Variants in TICRR observed in about 807,000 individuals in gnomAD.
TICRR encodes the protein treslin.
In TICRR, 132 loss-of-function variants were observed where a neutral mutation model predicts 178.1. That is an observed-to-expected ratio of 0.74 (90% CI 0.64 to 0.86). The LOEUF is 0.86. Among genes scored for constraint, TICRR ranks in the 40% least tolerant of loss-of-function variants. The pLI, the probability that TICRR is intolerant of heterozygous loss-of-function variation, is 0.00. For missense variants in TICRR, 2,587 were observed against 2,334.3 expected, an observed-to-expected ratio of 1.11 and a Z score of -2.23; for synonymous variants, 991 against 900.7, an observed-to-expected ratio of 1.10 and a Z score of -1.79.
chr15:89,594,636 G>T, intron 6 of TICRR, 82 bp downstream of exon 6: 2 of 1,266,154 alleles, frequency 1.6e-6, no homozygotes, highest in Non-Finnish European at 1.0e-6. Flanking sequence ...CCTGAAATGA[G>T]GTTGAAATGG....
chr15:89,589,326 G>C (rs891779361), intron 4 of TICRR, among the ~76,000 whole-genome samples: 3 of 152,136 alleles, frequency 2.0e-5, no homozygotes, highest in East Asian at 3.9e-4. Context: ...GGGTAAGAAG[G>C]GTGGGTGTTT....
At position 89,624,914 on chromosome 15, in the gene TICRR, A is replaced by G; in HGVS notation, c.4604A>G (p.Gln1535Arg). The G allele has an allele frequency of 6.2e-7, 1 of 1,614,118 alleles. No individual in the cohort carries two copies. The highest frequency in any genetic ancestry group is 8.5e-7 in the Non-Finnish European group (1 of 1,180,022). The change falls in exon 20 of 22, where the codon CAG (glutamine) becomes CGG (arginine). Residue 1535 changes from glutamine (Q) to arginine (R), a missense_variant. Coordinates refer to ENST00000268138, the MANE Select transcript of TICRR (RefSeq NM_152259.4). ...VHCTTDGRQC[Q>R]ASAQLDNLPA... is the part of the protein sequence containing the mutation. ...TGTACCACAGATGGGAGACAGTGCC[A>G]GGCTTCGGCACAACTAGACAACCTG...
intron 5 of TICRR, 32 bp downstream of exon 5, chr15:89,592,208 T>G (rs371327666): frequency 6.3e-7 from 1 of 1,577,064 alleles, no homozygotes; most frequent in Non-Finnish European, 8.7e-7. Flanking sequence ...TGAATATTGA[T>G]TATTAAAATC....
rs779155890 is a variant in TICRR at position 89,595,452 on chromosome 15, A to G, written c.1741A>G (p.Met581Val). 3 of 1,614,022 alleles carry G rather than the reference A, an allele frequency of 1.9e-6. No individual in the cohort carries two copies. Among genetic ancestry groups the G allele is most frequent in the African/African-American group, 1.3e-5 (1 of 74,920 alleles). ...GAATACCATGTGCCGTTCCTTAAAG[A>G]TGTTGAATGTCGCAAGGCTGAATGT... ...KMNTMCRSLK[M>V]LNVARLNVKA... The change falls in exon 7 of 22, where the codon ATG (methionine) becomes GTG (valine). Residue 581 changes from methionine (M) to valine (V), a missense_variant. Physicochemically the swap from Met to Val is conservative, Grantham distance 21. Coordinates refer to ENST00000268138, the MANE Select transcript of TICRR (RefSeq NM_152259.4).
intron 7 of TICRR, among the ~76,000 whole-genome samples, chr15:89,598,692 CTTGGT>C (rs1963042272): frequency 6.6e-6 from 1 of 152,056 alleles, no homozygotes; most frequent in East Asian, 1.9e-4. Context: ...AACACTTAAA[CTTGGT>C]ATACAGAGCC....
intron 16 of TICRR, among the ~76,000 whole-genome samples, chr15:89,617,603 A>G (rs1281500627): frequency 6.6e-6 from 1 of 151,604 alleles, no homozygotes; most frequent in East Asian, 1.9e-4. Flanking sequence ...GCTCACTGCA[A>G]CCTCTGCCTC....
chr15:89,602,756 C>A (rs1436117054), intron 12 of TICRR, 40 bp from the exon 13 acceptor site: 4 of 986,426 alleles, frequency 4.1e-6, no homozygotes, highest in Non-Finnish European at 4.1e-6. Flanking sequence ...CTATATATAA[C>A]CTCTATCTAG....
At chr15:89,607,499 A>G (rs1443443691) in intron 14 of TICRR, among the ~76,000 whole-genome samples, 1 of 152,150 alleles carries the variant, frequency 6.6e-6, no homozygotes, top group African/African-American at 2.4e-5. Context: ...TATAGAAATT[A>G]AGCTTTTCAA....
rs757124541 is a variant in TICRR at position 89,601,368 on chromosome 15, G to C, written c.2224G>C (p.Asp742His). ...QCPSINESTD[D>H]MEQVVEEVTD... is the part of the protein sequence containing the mutation. Reference sequence around the variant, plus strand: ...CCCTTCAATAAATGAAAGTACAGATGATATGGAACAAGTAGTGGAGGAGGC... The same window carrying C: ...CCCTTCAATAAATGAAAGTACAGATCATATGGAACAAGTAGTGGAGGAGGC... The change falls in exon 10 of 22, where the codon GAT becomes CAT. Residue 742 changes from aspartate to histidine, a missense_variant. Transcript: ENST00000268138. 6.2e-7 allele frequency: 1 copy of C among 1,614,182 alleles called. No homozygotes were observed. Among genetic ancestry groups the C allele is most frequent in the Admixed American group, 1.7e-5 (1 of 60,020 alleles).
At chr15:89,598,023 A>T (rs1870340809) in intron 7 of TICRR, among the ~76,000 whole-genome samples, 1 of 152,204 alleles carries the variant, frequency 6.6e-6, no homozygotes, top group South Asian at 2.1e-4. Context: ...TTTAATTTTA[A>T]ATTTTGCTTG....
At chr15:89,601,187 C>G in intron 9 of TICRR, 111 bp from the exon 10 acceptor site, 1 of 810,136 alleles carries the variant, frequency 1.2e-6, no homozygotes, top group Non-Finnish European at 1.9e-6. Context: ...GGCACTGGCT[C>G]TCCTCCTTTT....
intron 15 of TICRR, among the ~76,000 whole-genome samples, chr15:89,615,814 G>C (rs1963325991): frequency 1.3e-5 from 2 of 151,872 alleles, no homozygotes; most frequent in African/African-American, 4.8e-5. Context: ...CCACCAACTA[G>C]GTGTTAGTCT....
At chr15:89,614,228 T>G (rs1963299871) in intron 15 of TICRR, among the ~76,000 whole-genome samples, 1 of 152,164 alleles carries the variant, frequency 6.6e-6, no homozygotes, top group Non-Finnish European at 1.5e-5. Context: ...CAGGGACAGA[T>G]TCTGTTGGCT....
At position 89,624,606 on chromosome 15, in the gene TICRR, G is replaced by T. The variant is rs909858791; in HGVS notation, c.4296G>T (p.Gln1432His). 1.9e-6 allele frequency: 3 copies of T among 1,613,968 alleles called. No homozygotes were observed. Among genetic ancestry groups the T allele is most frequent in the Non-Finnish European group, 2.5e-6 (3 of 1,180,020 alleles). Residue 1432 changes from glutamine to histidine, a missense_variant, in exon 20 of 22, where the codon CAG (glutamine) becomes CAT (histidine). By Grantham distance (24) the Gln-to-His change is conservative (BLOSUM62 0). Transcript: ENST00000268138. ...DDQKGLSLSP[Q>H]SPPERRGYPG... is the part of the protein sequence containing the mutation. Reference sequence around the variant, plus strand: ...AGAAGGGACTGAGCCTCTCTCCTCAGTCTCCTCCTGAAAGACGGGGCTACC... The same window carrying T: ...AGAAGGGACTGAGCCTCTCTCCTCATTCTCCTCCTGAAAGACGGGGCTACC...
At chr15:89,594,193 T>C (rs1036897088) in intron 5 of TICRR, among the ~76,000 whole-genome samples, 5 of 152,280 alleles carry the variant, frequency 3.3e-5, no homozygotes, top group Non-Finnish European at 5.9e-5. Context: ...TATGTAATGG[T>C]TAATGGTTTT....
intron 7 of TICRR, among the ~76,000 whole-genome samples, chr15:89,598,519 C>T (rs983330748): frequency 2.0e-5 from 3 of 151,882 alleles, no homozygotes; most frequent in Admixed American, 6.6e-5. Context: ...CCCGCCACTA[C>T]GCCCGGGTAA....
chr15:89,595,709 C>T (rs960872661), intron 7 of TICRR, 98 bp downstream of exon 7: 2 of 795,228 alleles, frequency 2.5e-6, no homozygotes, highest in Non-Finnish European at 2.0e-6. Context: ...GCTACATGCA[C>T]AAAAAGGTGT....
intron 15 of TICRR, among the ~76,000 whole-genome samples, chr15:89,613,734 C>CTTTTTTTTTTTTTTTTTTTTTTTTCTTT (rs34162195): frequency 1.6e-5 from 1 of 61,570 alleles, no homozygotes; most frequent in African/African-American, 7.5e-5. Flanking sequence ...TTTCTATTCG[C>CTTTTTTTTTTTTTTTTTTTTTTTTCTTT]TTTTTTTTTT....
chr15:89,584,491 G>C lies in TICRR; in HGVS notation c.1140G>C (p.Gln380His). The C allele has an allele frequency of 6.3e-7, 1 of 1,598,216 alleles. No individual in the cohort carries two copies. The highest frequency in any genetic ancestry group is 1.1e-5 in the South Asian group (1 of 89,316). Residue 380 changes from glutamine (Q) to histidine (H), a missense_variant, in exon 3 of 22, where the codon CAG becomes CAC. By Grantham distance (24) the Gln-to-His change is conservative. Coordinates refer to ENST00000268138, the MANE Select transcript of TICRR (RefSeq NM_152259.4). ...STATQRLLFQQLVSRLTAEEL... is the reference protein window; with the variant it reads ...STATQRLLFQHLVSRLTAEEL... The stretch of plus-strand genomic sequence containing the variant: ...CAACTCAAAGGCTGTTATTTCAGCA[G>C]TTGGTAAGCAGGCTGACTGCTGAAG...
Sources: gnomAD v4.1 joint callset for allele counts (sites outside exome capture counted in the v4.1 genomes callset) on GRCh38, gnomAD v4.1.1 for gene constraint, MANE v1.5 for transcripts, NCBI Gene and HGNC (gene_info 2026-07-23, HGNC 2026-07-21) for gene names.